Variants in KLHL6 observed in about 807,000 individuals in gnomAD.
The protein encoded by KLHL6 is kelch-like protein 6.
Under a neutral mutation model 58.6 loss-of-function variants are expected in KLHL6, and 41 were observed. The ratio of observed to expected loss-of-function variants is 0.70; its 90% CI spans 0.55 to 0.91. The LOEUF is 0.91. Among genes scored for constraint, KLHL6 ranks in the 40% least tolerant of loss-of-function variants. The probability of loss-of-function intolerance (pLI) is 0.00; values close to 1 mark genes in which losing one functional copy is unlikely to be tolerated. For missense variants in KLHL6, 714 were observed against 805.6 expected (o/e 0.89, Z 1.38); for synonymous variants, 338 against 322.7 (o/e 1.05, Z -0.51).
rs1233765444 is a variant in KLHL6 at position 183,548,244 on chromosome 3, A to T, written c.293+7117T>A. On this transcript the variant is annotated intron_variant, in intron 1 of 6. Transcript: ENST00000341319. ...TCTCACCATTTGGGAAGCCCAGCTCACTGCAAAATATGGCACACTCTGTAA... is the reference window on the plus strand; with the variant it reads ...TCTCACCATTTGGGAAGCCCAGCTCTCTGCAAAATATGGCACACTCTGTAA... Among the ~76,000 whole-genome samples the T allele has an allele frequency of 3.3e-5, 5 of 152,164 alleles. No individual in the cohort carries two copies. The South Asian group carries it at 8.3e-4, about 25-fold the overall frequency.
At chr3:183,512,138 C>A (rs1264316473) in intron 2 of KLHL6, among the ~76,000 whole-genome samples, 6 of 152,178 alleles carry the variant, frequency 3.9e-5, no homozygotes, top group Non-Finnish European at 1.5e-5. Flanking sequence ...AACTGGACAC[C>A]AGAACCCTAT....
chr3:183,502,002 C>T (rs757518121), intron 3 of KLHL6, among the ~76,000 whole-genome samples: 5 of 152,018 alleles, frequency 3.3e-5, no homozygotes, highest in East Asian at 3.9e-4. Flanking sequence ...ATTAAATGAG[C>T]GAGTGAGCTG....
chr3:183,499,814 C>T lies in KLHL6; in HGVS notation c.923G>A (p.Arg308His), dbSNP rs79021441. 301 of 1,578,534 alleles carry T rather than the reference C, an allele frequency of 1.9e-4. No homozygotes were observed. The African/African-American group carries it at 3.3e-3, about 17-fold the overall frequency. Residue 308 changes from arginine to histidine, a missense_variant, in exon 4 of 7, where the codon CGC (arginine) becomes CAC (histidine). By Grantham distance (29) the Arg-to-His change is conservative. Coordinates refer to ENST00000341319, the MANE Select transcript of KLHL6 (RefSeq NM_130446.4). The surrounding 1 kb of genome is among the most constrained non-coding windows in gnomAD (Gnocchi z 4.6). ...GAACTCATGCATCCTGGGCTTGGTG[C>T]GTTCCGAAATGATCTGGAAATCGAT... ...HLSGNEIISERTKPRMHEFQS... is the reference protein window; with the variant it reads ...HLSGNEIISEHTKPRMHEFQS...
chr3:183,489,271 C>T lies in KLHL6; in HGVS notation c.*2656G>A, dbSNP rs1181840556. 6.6e-6 allele frequency: 1 copy of T among 152,192 alleles called. No individual in the cohort carries two copies. The highest frequency in any genetic ancestry group is 1.5e-5 in the Non-Finnish European group (1 of 68,032). 9.4% of individuals were successfully genotyped at this position (152,192 alleles called of 1,614,324 possible). On this transcript the variant is annotated 3_prime_UTR_variant, in exon 7 of 7. Transcript: ENST00000341319. ...GCAATAGTCTTTGGAGTAAGACTGACTTTTCCTTCACAAATCAGTTCACAA... is the reference window on the plus strand; with the variant it reads ...GCAATAGTCTTTGGAGTAAGACTGATTTTTCCTTCACAAATCAGTTCACAA...
Position 183,527,985 on chromosome 3 carries a change from C to T in KLHL6, c.319G>A (p.Glu107Lys). 1 of 1,614,036 alleles carries T rather than the reference C, an allele frequency of 6.2e-7. No individual in the cohort carries two copies. Among genetic ancestry groups the T allele is most frequent in the Non-Finnish European group, 8.5e-7 (1 of 1,179,998 alleles). The change falls in exon 2 of 7, where the codon GAA becomes AAA. Residue 107 changes from glutamate to lysine, a missense_variant. Around this residue, in one of 2 missense-constraint regions of KLHL6, gnomAD observed 204 missense variants for 175.9 expected, o/e 1.16. Transcript: ENST00000341319. Reference protein sequence around the residue: ...FRAMFCNDLKEKYEKRIIIKG... With the variant: ...FRAMFCNDLKKKYEKRIIIKG... Reference sequence around the variant, plus strand: ...ATAATGATCCTTTTCTCATACTTTTCCTTTAAATCGTTGCAGAACATGGCC... The same window carrying T: ...ATAATGATCCTTTTCTCATACTTTTTCTTTAAATCGTTGCAGAACATGGCC...
At chr3:183,513,796 G>T (rs1214280898) in intron 2 of KLHL6, among the ~76,000 whole-genome samples, 3 of 152,030 alleles carry the variant, frequency 2.0e-5, no homozygotes, top group African/African-American at 7.3e-5. Flanking sequence ...ATGGTTTGCT[G>T]CACCTATCAA....
intron 3 of KLHL6, among the ~76,000 whole-genome samples, chr3:183,500,310 C>T (rs2108667794): frequency 6.6e-6 from 1 of 152,300 alleles, no homozygotes; most frequent in South Asian, 2.1e-4. Context: ...AACGTAAGAG[C>T]ATTCAGAGAC....
At chr3:183,553,111 C>T (rs143864282) in intron 1 of KLHL6, among the ~76,000 whole-genome samples, 5 of 152,100 alleles carry the variant, frequency 3.3e-5, no homozygotes, top group African/African-American at 4.8e-5. Context: ...AGGAAAGTCA[C>T]GTTGAAAATC....
chr3:183,524,161 A>T (rs1711868096), intron 2 of KLHL6, among the ~76,000 whole-genome samples: 1 of 152,158 alleles, frequency 6.6e-6, no homozygotes, highest in Non-Finnish European at 1.5e-5. Context: ...TTCAAGATGG[A>T]AAAATTTTGC....
chr3:183,527,723 C>CGTGTGT, intron 2 of KLHL6, 122 bp downstream of exon 2: 2 of 689,942 alleles, frequency 2.9e-6, no homozygotes, highest in Non-Finnish European at 4.8e-6. Flanking sequence ...TGTTTGTGTG[C>CGTGTGT]GTGTGTGTGT....
At chr3:183,535,817 C>T (rs1712345194) in intron 1 of KLHL6, among the ~76,000 whole-genome samples, 1 of 152,190 alleles carries the variant, frequency 6.6e-6, no homozygotes, top group South Asian at 2.1e-4. Context: ...GCTCTGTCGC[C>T]CAGGCTGGAG....
At chr3:183,505,986 C>A (rs1435802733) in intron 3 of KLHL6, among the ~76,000 whole-genome samples, 1 of 152,104 alleles carries the variant, frequency 6.6e-6, no homozygotes, top group Non-Finnish European at 1.5e-5. Context: ...AACAGTGGAT[C>A]TAAGGACAAC....
At chr3:183,535,386 A>T (rs1185369957) in intron 1 of KLHL6, among the ~76,000 whole-genome samples, 1 of 152,192 alleles carries the variant, frequency 6.6e-6, no homozygotes, top group East Asian at 1.9e-4. Flanking sequence ...GGTCACCCAG[A>T]CCTACAGTCA....
chr3:183,534,796 C>A (rs1712303532), intron 1 of KLHL6, among the ~76,000 whole-genome samples: 1 of 151,862 alleles, frequency 6.6e-6, no homozygotes, highest in Non-Finnish European at 1.5e-5. Flanking sequence ...CATTTCAACA[C>A]GTAAGAAATA....
intron 1 of KLHL6, among the ~76,000 whole-genome samples, chr3:183,529,556 G>A (rs994734002): frequency 6.6e-6 from 1 of 152,112 alleles, no homozygotes; most frequent in Non-Finnish European, 1.5e-5. Flanking sequence ...GTAGGTGGGG[G>A]ACCGGGGGTG....
intron 2 of KLHL6, among the ~76,000 whole-genome samples, chr3:183,519,826 T>G (rs1467602429): frequency 6.8e-6 from 1 of 146,194 alleles, no homozygotes; most frequent in African/African-American, 2.5e-5. Context: ...AGCCTGGGAG[T>G]TCAAGGCTGC....
At chr3:183,500,861 G>A (rs1372051384) in intron 3 of KLHL6, among the ~76,000 whole-genome samples, 2 of 152,174 alleles carry the variant, frequency 1.3e-5, no homozygotes, top group Non-Finnish European at 2.9e-5. Context: ...ACAGAACTTC[G>A]ATTCTGCCCA....
intron 1 of KLHL6, among the ~76,000 whole-genome samples, chr3:183,534,143 G>GTACTTTAAAAGACAT (rs1712281027): frequency 3.6e-5 from 3 of 82,356 alleles, no homozygotes; most frequent in African/African-American, 1.3e-4. Flanking sequence ...TACTTTTAAA[G>GTACTTTAAAAGACAT]TACTTTAAAA....
intron 1 of KLHL6, among the ~76,000 whole-genome samples, chr3:183,529,683 G>T (rs1712094574): frequency 6.6e-6 from 1 of 151,874 alleles, no homozygotes; most frequent in Admixed American, 6.6e-5. Flanking sequence ...ACAAAAACTA[G>T]CCAGTCATGT....
Sources: gnomAD v4.1 joint callset for allele counts (sites outside exome capture counted in the v4.1 genomes callset) on GRCh38, gnomAD v4.1.1 for gene constraint, gnomAD v4.1.1 regional missense constraint, Gnocchi (gnomAD v3.1) non-coding constraint, MANE v1.5 for transcripts, NCBI Gene and HGNC (gene_info 2026-07-23, HGNC 2026-07-21) for gene names.